Variants in ANKRD30B observed in about 807,000 individuals in gnomAD.
ANKRD30B encodes the protein ankyrin repeat domain 30B, also known as ankyrin repeat domain-containing protein 30B.
ANKRD30B carries 144 observed loss-of-function variants against 202.2 expected under a neutral mutation model. The ratio of observed to expected loss-of-function variants is 0.71; its 90% CI spans 0.62 to 0.82. ANKRD30B has a LOEUF of 0.82. ANKRD30B is among the 40% of genes least tolerant of loss of function. ANKRD30B has a pLI of 0.00. For missense variants in ANKRD30B, 1,487 were observed against 1,669.1 expected (o/e 0.89, Z 1.90); for synonymous variants, 508 against 561.3 (o/e 0.91, Z 1.34).
the ANKRD30B span, among the ~76,000 whole-genome samples, chr18:14,940,016 C>T: frequency 3.3e-5 from 5 of 152,192 alleles, no homozygotes; most frequent in Non-Finnish European, 5.9e-5. Flanking sequence ...TATAGAAAGC[C>T]GACATCGTTG....
At chr18:14,880,200 G>A in the ANKRD30B span, among the ~76,000 whole-genome samples, 3 of 152,160 alleles carry the variant, frequency 2.0e-5, no homozygotes, top group South Asian at 2.1e-4. Context: ...TAAGTATTTG[G>A]GTTAATTTCT....
At chr18:14,916,306 TCTC>T in the ANKRD30B span, among the ~76,000 whole-genome samples, 1 of 152,188 alleles carries the variant, frequency 6.6e-6, no homozygotes, top group Non-Finnish European at 1.5e-5. Flanking sequence ...TGTGTGTAGT[TCTC>T]CTGTGAATGG....
At chr18:14,849,732 G>C (rs1478457642) in intron 40 of ANKRD30B, among the ~76,000 whole-genome samples, 1 of 151,494 alleles carries the variant, frequency 6.6e-6, no homozygotes. Context: ...CTTTAATCTA[G>C]TCTGAGATCA....
the ANKRD30B span, among the ~76,000 whole-genome samples, chr18:14,860,905 T>A: frequency 6.6e-6 from 1 of 152,138 alleles, no homozygotes; most frequent in Non-Finnish European, 1.5e-5. Flanking sequence ...TTCTTCATGT[T>A]GGCCAGGCTG....
intron 9 of ANKRD30B, among the ~76,000 whole-genome samples, chr18:14,776,322 C>G (rs1967349860): frequency 6.6e-6 from 1 of 152,156 alleles, no homozygotes; most frequent in Non-Finnish European, 1.5e-5. Flanking sequence ...TTATAAGCCA[C>G]TATAACTTTT....
At chr18:14,924,009 C>T in the ANKRD30B span, among the ~76,000 whole-genome samples, 1 of 152,168 alleles carries the variant, frequency 6.6e-6, no homozygotes, top group Non-Finnish European at 1.5e-5. Flanking sequence ...GTACTCTGTG[C>T]TTATATGTCT....
the ANKRD30B span, among the ~76,000 whole-genome samples, chr18:14,897,728 C>T: frequency 6.6e-6 from 1 of 152,070 alleles, no homozygotes; most frequent in African/African-American, 2.4e-5. Flanking sequence ...ATCTCTGTGC[C>T]TATAGGTCAA....
downstream of ANKRD30B, among the ~76,000 whole-genome samples, chr18:14,858,685 G>A (rs543948194): frequency 1.5e-3 from 206 of 139,220 alleles, 1 homozygote; most frequent in African/African-American, 5.0e-3. Context: ...CATCCCAGAC[G>A]ATGGGTGGCC....
intron 8 of ANKRD30B, 110 bp from the exon 9 acceptor site, chr18:14,772,046 T>G (rs1967034396): frequency 1.8e-6 from 1 of 540,616 alleles, no homozygotes; most frequent in Non-Finnish European, 3.1e-6. Flanking sequence ...TTTCCCCAGA[T>G]TTTGTTTTTT....
rs1044167829 is a variant in ANKRD30B, at chr18:14,764,238, G to T, written c.1225+148G>T. On this transcript the variant is annotated intron_variant, in intron 7 of 43. Transcript: ENST00000690538. ...CTTTTTAATAGTGTAGAAATAAATA[G>T]ATCTTATTCTGTAGGCCCTGGAAAA... 18 of 832,294 alleles carry T rather than the reference G, an allele frequency of 2.2e-5. No homozygotes were observed. In the Admixed American group the frequency reaches 5.8e-4, roughly 27 times the overall value. 51.6% of individuals were successfully genotyped at this position (832,294 alleles called of 1,614,324 possible). A position where few individuals can be genotyped will look rare whatever the true frequency, so the allele number is the denominator to read the frequency against.
At chr18:14,839,478 G>A (rs1443539717) in intron 36 of ANKRD30B, among the ~76,000 whole-genome samples, 1 of 152,084 alleles carries the variant, frequency 6.6e-6, no homozygotes, top group Non-Finnish European at 1.5e-5. Context: ...CAGAAAGTGG[G>A]GTAACCACCA....
intron 14 of ANKRD30B, among the ~76,000 whole-genome samples, chr18:14,785,386 T>C (rs1219034548): frequency 6.6e-6 from 1 of 152,198 alleles, no homozygotes; most frequent in Admixed American, 6.5e-5. Context: ...TTTTTAAATA[T>C]TAGGTTGTTT....
chr18:14,808,475 A>G, intron 24 of ANKRD30B, 76 bp from the exon 25 acceptor site: 1 of 1,317,374 alleles, frequency 7.6e-7, no homozygotes, highest in South Asian at 1.2e-5. Flanking sequence ...TCATCTTCAT[A>G]TTCACATTGT....
chr18:14,753,707 C>T (rs1474438429), intron 3 of ANKRD30B, among the ~76,000 whole-genome samples: 2 of 151,926 alleles, frequency 1.3e-5, no homozygotes, highest in Non-Finnish European at 2.9e-5. Context: ...GTATATAAAC[C>T]ATAAATAATA....
chr18:14,847,090 A>ATATG (rs1598717844), intron 39 of ANKRD30B, among the ~76,000 whole-genome samples: 2 of 134,092 alleles, frequency 1.5e-5, no homozygotes, highest in Non-Finnish European at 3.2e-5. Flanking sequence ...ATATATATAT[A>ATATG]TATGTATAAT....
chr18:14,891,710 G>A, the ANKRD30B span, among the ~76,000 whole-genome samples: 1 of 152,124 alleles, frequency 6.6e-6, no homozygotes, highest in Admixed American at 6.5e-5. Flanking sequence ...TGATGTTGAT[G>A]CATTCATGTA....
intron 24 of ANKRD30B, among the ~76,000 whole-genome samples, chr18:14,807,177 A>G (rs1354662010): frequency 1.3e-5 from 2 of 150,998 alleles, no homozygotes; most frequent in Non-Finnish European, 2.9e-5. Flanking sequence ...TGACATGTCT[A>G]AATATATTAA....
At chr18:14,908,458 C>T in the ANKRD30B span, among the ~76,000 whole-genome samples, 2 of 152,126 alleles carry the variant, frequency 1.3e-5, no homozygotes, top group Non-Finnish European at 2.9e-5. Context: ...AGAACATCTC[C>T]TAATTCTTGG....
At chr18:14,837,801 G>A in intron 36 of ANKRD30B, 125 bp downstream of exon 36, 2 of 1,162,248 alleles carry the variant, frequency 1.7e-6, no homozygotes, top group South Asian at 1.7e-5. Context: ...GGATCACGAG[G>A]TCAGGAGATC....
Sources: allele counts gnomAD v4.1 joint callset (sites outside exome capture counted in the v4.1 genomes callset), GRCh38; gene constraint gnomAD v4.1.1; transcripts MANE v1.5; gene names NCBI Gene and HGNC (gene_info 2026-07-23, HGNC 2026-07-21).